Variants in RTN1 observed in about 807,000 individuals in gnomAD.
The protein encoded by RTN1 is reticulon-1.
In RTN1, 25 loss-of-function variants were observed where a neutral mutation model predicts 65.5. The observed-to-expected ratio is 0.38, with a 90% CI of 0.28 to 0.53. The LOEUF is 0.53. Ranked by LOEUF, RTN1 falls within the 20% of genes least tolerant of loss-of-function variation. The pLI is 0.79. For synonymous variants in RTN1, 471 were observed against 447.6 expected, an observed-to-expected ratio of 1.05 and a Z score of -0.66; for missense variants, 983 against 1,025.4, an observed-to-expected ratio of 0.96 and a Z score of 0.57.
At chr14:59,839,818 G>A (rs576015558) in intron 1 of RTN1, among the ~76,000 whole-genome samples, 2 of 151,962 alleles carry the variant, frequency 1.3e-5, no homozygotes, top group South Asian at 4.2e-4. Context: ...TTTAGACAAT[G>A]AATTTCCTTT....
intron 3 of RTN1, among the ~76,000 whole-genome samples, chr14:59,654,760 A>G (rs1883089553): frequency 6.6e-6 from 1 of 152,200 alleles, no homozygotes; most frequent in Non-Finnish European, 1.5e-5. Flanking sequence ...TTCATGTTAA[A>G]AACGACAACA....
intron 1 of RTN1, among the ~76,000 whole-genome samples, chr14:59,748,067 G>C (rs758109352): frequency 6.6e-6 from 1 of 152,042 alleles, no homozygotes; most frequent in African/African-American, 2.4e-5. Flanking sequence ...TTACAGATGA[G>C]GAAACTGAGA....
chr14:59,734,150 G>T (rs773422971), intron 2 of RTN1, among the ~76,000 whole-genome samples: 1 of 152,192 alleles, frequency 6.6e-6, no homozygotes, highest in South Asian at 2.1e-4. Flanking sequence ...CCCTACAGCA[G>T]AGTGGACAAA....
chr14:59,792,268 G>A (rs559453584), intron 1 of RTN1, among the ~76,000 whole-genome samples: 1 of 151,988 alleles, frequency 6.6e-6, no homozygotes, highest in Non-Finnish European at 1.5e-5. Flanking sequence ...GGTAAGGACT[G>A]TACTCCCAGA....
At chr14:59,815,925 C>T (rs1445618494) in intron 1 of RTN1, among the ~76,000 whole-genome samples, 2 of 152,168 alleles carry the variant, frequency 1.3e-5, no homozygotes, top group African/African-American at 2.4e-5. Context: ...TTTACTAGTT[C>T]CACCCTTCAT....
intron 3 of RTN1, among the ~76,000 whole-genome samples, chr14:59,655,927 C>A (rs1351403373): frequency 6.6e-6 from 1 of 152,268 alleles, no homozygotes; most frequent in East Asian, 1.9e-4. Flanking sequence ...CACACAAAAA[C>A]TTGGATACGA....
At chr14:59,773,052 G>A (rs1049962893) in intron 1 of RTN1, among the ~76,000 whole-genome samples, 4 of 151,988 alleles carry the variant, frequency 2.6e-5, no homozygotes, top group Admixed American at 6.6e-5. Context: ...GTAAAACTGC[G>A]GAGCAATTAA....
chr14:59,814,477 A>G (rs1886784929), intron 1 of RTN1, among the ~76,000 whole-genome samples: 1 of 152,222 alleles, frequency 6.6e-6, no homozygotes, highest in South Asian at 2.1e-4. Flanking sequence ...ACAGGCTCTG[A>G]AGAGATCAAG....
At chr14:59,781,291 C>T (rs918668078) in intron 1 of RTN1, among the ~76,000 whole-genome samples, 1 of 151,986 alleles carries the variant, frequency 6.6e-6, no homozygotes, top group Admixed American at 6.6e-5. Flanking sequence ...TTTAAAATAA[C>T]TTTATTGTAG....
chr14:59,599,083 T>C (rs1172710533), intron 8 of RTN1, among the ~76,000 whole-genome samples: 1 of 152,232 alleles, frequency 6.6e-6, no homozygotes, highest in Non-Finnish European at 1.5e-5. Context: ...TCAACTTGCA[T>C]TGATTTTTTA....
At chr14:59,739,586 C>T (rs988756071) in intron 2 of RTN1, among the ~76,000 whole-genome samples, 3 of 151,066 alleles carry the variant, frequency 2.0e-5, no homozygotes, top group African/African-American at 7.3e-5. Flanking sequence ...AGGAGTATAA[C>T]CCATTAACAG....
intron 1 of RTN1, among the ~76,000 whole-genome samples, chr14:59,780,145 C>A (rs1209232560): frequency 6.6e-6 from 1 of 152,124 alleles, no homozygotes; most frequent in Non-Finnish European, 1.5e-5. Flanking sequence ...AAGGAAACTC[C>A]CAGGCTAGTG....
chr14:59,600,188 C>G lies in RTN1; in HGVS notation c.2288+2877G>C, dbSNP rs147571403. 7.5e-3 allele frequency among the ~76,000 whole-genome samples: 1,147 copies of G among 152,158 alleles called. 9 individuals carry two copies. The highest frequency in any genetic ancestry group is 0.026 in the African/African-American group (1,084 of 41,502). On this transcript the variant is annotated intron_variant, in intron 8 of 8. Transcript: ENST00000267484. ...ACTCAGTATGGAGGAGAGACTGGCCCTGGTGTCTACTGGCCCAATCTGGGA... is the reference window on the plus strand; with the variant it reads ...ACTCAGTATGGAGGAGAGACTGGCCGTGGTGTCTACTGGCCCAATCTGGGA...
intron 3 of RTN1, among the ~76,000 whole-genome samples, chr14:59,723,248 T>C (rs1884684118): frequency 1.3e-5 from 2 of 152,132 alleles, no homozygotes; most frequent in South Asian, 2.1e-4. Flanking sequence ...AAAGAGGCCA[T>C]TTGTTTGGCA....
At chr14:59,711,028 C>A (rs975936159) in intron 3 of RTN1, among the ~76,000 whole-genome samples, 7 of 152,066 alleles carry the variant, frequency 4.6e-5, no homozygotes, top group Non-Finnish European at 1.0e-4. Context: ...AGGTTCAAAC[C>A]CAAATCTTTC....
intron 3 of RTN1, among the ~76,000 whole-genome samples, chr14:59,682,683 T>C (rs1883769505): frequency 6.6e-6 from 1 of 152,172 alleles, no homozygotes; most frequent in Non-Finnish European, 1.5e-5. Flanking sequence ...GAAACAATTG[T>C]CTCTAGGGAA....
intron 1 of RTN1, among the ~76,000 whole-genome samples, chr14:59,764,832 C>A (rs952156352): frequency 5.9e-5 from 9 of 152,068 alleles, no homozygotes; most frequent in African/African-American, 2.2e-4. Context: ...GTACCAGGGC[C>A]ATACTTACAT....
chr14:59,688,434 G>A (rs554717851), intron 3 of RTN1, among the ~76,000 whole-genome samples: 2 of 152,286 alleles, frequency 1.3e-5, no homozygotes, highest in African/African-American at 4.8e-5. Context: ...CCATCAGAGG[G>A]CCTGTAAAGC....
At chr14:59,787,853 T>A (rs933647599) in intron 1 of RTN1, among the ~76,000 whole-genome samples, 9 of 151,992 alleles carry the variant, frequency 5.9e-5, no homozygotes, top group African/African-American at 2.2e-4. Flanking sequence ...TCCCCATCGT[T>A]CATTCTTGTA....
Sources: gnomAD v4.1 joint callset for allele counts (sites outside exome capture counted in the v4.1 genomes callset) on GRCh38, gnomAD v4.1.1 for gene constraint, MANE v1.5 for transcripts, NCBI Gene and HGNC (gene_info 2026-07-23, HGNC 2026-07-21) for gene names.